Variants in DENND2A observed in about 807,000 individuals in gnomAD.
DENND2A encodes DENN domain-containing protein 2A.
In DENND2A, 53 loss-of-function variants were observed where a neutral mutation model predicts 105.3. That is an observed-to-expected ratio of 0.50 (90% CI 0.40 to 0.63). The LOEUF is 0.63. Among genes scored for constraint, DENND2A ranks in the 30% least tolerant of loss-of-function variants. DENND2A has a pLI of 0.00. For synonymous variants in DENND2A, 522 were observed against 508.4 expected, an observed-to-expected ratio of 1.03 and a Z score of -0.36; for missense variants, 1,138 against 1,279.6, an observed-to-expected ratio of 0.89 and a Z score of 1.69.
chr7:140,586,512 C>A, intron 4 of DENND2A, among the ~76,000 whole-genome samples: 1 of 151,936 alleles, frequency 6.6e-6, no homozygotes, highest in Non-Finnish European at 1.5e-5. Flanking sequence ...TGAGTTGAGA[C>A]TGTGCCGTTG....
intron 5 of DENND2A, among the ~76,000 whole-genome samples, chr7:140,580,025 T>C (rs1406728238): frequency 2.0e-5 from 3 of 152,152 alleles, no homozygotes; most frequent in East Asian, 1.9e-4. Flanking sequence ...TCCCAGCTAC[T>C]TGGGAAACTG....
At chr7:140,552,294 CTTTT>C (rs1260894209) in intron 12 of DENND2A, among the ~76,000 whole-genome samples, 1 of 152,088 alleles carries the variant, frequency 6.6e-6, no homozygotes, top group East Asian at 1.9e-4. Context: ...TTCTTTCTTT[CTTTT>C]TCTCTCTTTT....
In DENND2A at chr7:140,559,436, T is replaced by G. The variant is rs1182454404; in HGVS notation, c.1889+272A>C. Among the ~76,000 whole-genome samples the G allele has an allele frequency of 6.6e-6, 1 of 152,210 alleles. No homozygotes were observed. Among genetic ancestry groups the G allele is most frequent in the Non-Finnish European group, 1.5e-5 (1 of 68,038 alleles). On this transcript the variant is annotated intron_variant, in intron 10 of 19. Transcript: ENST00000496613. This position sits in a 1 kb window ranked among gnomAD's most constrained non-coding sequence, Gnocchi z 4.1. ...GGATGAGAACGGGGAAGGGCAATGT[T>G]GCCCTAACTTTTCCCAGGCTAAGAA... is the stretch of plus-strand genomic sequence containing the variant.
intron 1 of DENND2A, among the ~76,000 whole-genome samples, chr7:140,619,162 T>C (rs568618868): frequency 6.6e-6 from 1 of 152,344 alleles, no homozygotes; most frequent in South Asian, 2.1e-4. Context: ...AAAAAGTGTT[T>C]GCATAAATAT....
intron 12 of DENND2A, among the ~76,000 whole-genome samples, chr7:140,551,512 A>C (rs1008849295): frequency 6.6e-5 from 10 of 152,016 alleles, no homozygotes; most frequent in African/African-American, 2.4e-4. Flanking sequence ...CATGGGAGAC[A>C]TGTGGACCAG....
At chr7:140,568,701 G>T in intron 8 of DENND2A, 62 bp downstream of exon 8, 1 of 1,558,674 alleles carries the variant, frequency 6.4e-7, no homozygotes, top group Non-Finnish European at 8.8e-7. Context: ...TAAGGAGGAG[G>T]GGCCACCTTT....
intron 3 of DENND2A, among the ~76,000 whole-genome samples, chr7:140,599,219 T>G (rs1036952678): frequency 6.6e-6 from 1 of 152,052 alleles, no homozygotes; most frequent in East Asian, 1.9e-4. Flanking sequence ...GCGCCTGTAA[T>G]CTCAGCTATT....
At chr7:140,627,396 G>A (rs1048964777) in intron 1 of DENND2A, among the ~76,000 whole-genome samples, 1 of 151,916 alleles carries the variant, frequency 6.6e-6, no homozygotes, top group East Asian at 1.9e-4. Flanking sequence ...TGTATTTTTG[G>A]TAGAGACGGG....
At position 140,561,958 on chromosome 7, in the gene DENND2A, C is replaced by T. The variant is rs112249804; in HGVS notation, c.1780-2141G>A. Reference sequence around the variant, plus strand: ...AGGCTGGAGTGAAATGCTGCAATCTCGGCTCACTGCAACCTCCACCTCCTG... The same window carrying T: ...AGGCTGGAGTGAAATGCTGCAATCTTGGCTCACTGCAACCTCCACCTCCTG... On this transcript the variant is annotated intron_variant, in intron 9 of 19. Transcript: ENST00000496613. Among the ~76,000 whole-genome samples the T allele has an allele frequency of 6.5e-3, 985 of 151,746 alleles. 16 individuals carry two copies. The highest frequency in any genetic ancestry group is 0.023 in the African/African-American group (938 of 41,396).
chr7:140,567,304 AAGAGAGAG>A lies in DENND2A; in HGVS notation c.1592-39_1592-32del, dbSNP rs60964847. 4.2e-3 allele frequency: 2,771 copies of A among 659,488 alleles called. 1 individual carries two copies. Among genetic ancestry groups the A allele is most frequent in the Middle Eastern group, 0.012 (21 of 1,770 alleles). The allele number at this position is 659,488 out of a possible 1,614,324, so 40.9% of individuals were successfully genotyped here. On this transcript the variant is annotated intron_variant, in intron 8 of 19. Coordinates refer to ENST00000496613, the MANE Select transcript of DENND2A (RefSeq NM_015689.5). ...TGAGGGAGGGAGAGAGAAAGAGAGA[AAGAGAGAG>A]AGAGAGAGAGAGAGAGAGAGAGAGA... is the stretch of plus-strand genomic sequence containing the variant.
chr7:140,626,974 C>T (rs1341593479), intron 1 of DENND2A, among the ~76,000 whole-genome samples: 1 of 152,306 alleles, frequency 6.6e-6, no homozygotes, highest in African/African-American at 2.4e-5. Context: ...GATCAAGATA[C>T]ATTTCTAAGC....
At chr7:140,617,227 A>G (rs1389413687) in intron 1 of DENND2A, among the ~76,000 whole-genome samples, 1 of 152,236 alleles carries the variant, frequency 6.6e-6, no homozygotes, top group African/African-American at 2.4e-5. Flanking sequence ...CGCAGGTGCT[A>G]CCAGCACAAA....
intron 1 of DENND2A, among the ~76,000 whole-genome samples, chr7:140,606,682 G>A (rs1208951861): frequency 1.3e-5 from 2 of 152,134 alleles, no homozygotes; most frequent in Admixed American, 6.5e-5. Context: ...CCAGTCACGA[G>A]GTCATCTGTC....
At position 140,632,864 on chromosome 7, in the gene DENND2A, C is replaced by CTT. The variant is rs1158154967; in HGVS notation, c.-248+7638_-248+7639dup. On this transcript the variant is annotated intron_variant, in intron 1 of 19. Transcript: ENST00000496613. ...ACAGGCATGAGCCACCATGCCTGGC[C>CTT]TTTTTTTTTTTTTTTTTGAGACAGT... 1.2e-3 allele frequency among the ~76,000 whole-genome samples: 138 copies of CTT among 117,242 alleles called. 1 individual carries two copies. The highest frequency in any genetic ancestry group is 5.3e-3 in the Middle Eastern group (1 of 190). 76.9% of individuals were successfully genotyped at this position (117,242 alleles called of 152,430 possible).
chr7:140,590,877 G>GAATAATAATAATAATAATAATAATAAT (rs145861724), intron 3 of DENND2A, among the ~76,000 whole-genome samples: 7 of 140,966 alleles, frequency 5.0e-5, no homozygotes, highest in African/African-American at 2.1e-4. Flanking sequence ...TGTTTCTGGG[G>GAATAATAATAATAATAATAATAATAAT]AATAATAATA....
intron 5 of DENND2A, among the ~76,000 whole-genome samples, chr7:140,578,519 T>C (rs1229652595): frequency 1.3e-5 from 2 of 152,210 alleles, no homozygotes; most frequent in African/African-American, 4.8e-5. Context: ...TATTTGCTCA[T>C]ATGTGCCTGT....
rs575346403 is a variant in DENND2A at position 140,519,836 on chromosome 7, T to C, written c.2912-118A>G. 303 of 876,928 alleles carry C rather than the reference T, an allele frequency of 3.5e-4. 1 individual carries two copies. In the African/African-American group the frequency reaches 4.6e-3, roughly 13 times the overall value. The allele number at this position is 876,928 out of a possible 1,614,324, so 54.3% of individuals were successfully genotyped here. On this transcript the variant is annotated intron_variant, in intron 18 of 19. Transcript: ENST00000496613. The stretch of plus-strand genomic sequence containing the variant: ...TGTTTCTGAGACTAAGCTGCTCCTA[T>C]AAACATGCTCTGAATCAGGAGGTTT...
At chr7:140,606,145 A>G (rs533993766) in intron 1 of DENND2A, among the ~76,000 whole-genome samples, 1 of 152,036 alleles carries the variant, frequency 6.6e-6, no homozygotes, top group Admixed American at 6.6e-5. Flanking sequence ...GGCTCAAGTG[A>G]TTCTCGTGCC....
intron 9 of DENND2A, among the ~76,000 whole-genome samples, chr7:140,566,598 G>C (rs528648478): frequency 8.9e-4 from 135 of 152,054 alleles, no homozygotes; most frequent in Middle Eastern, 3.4e-3. Flanking sequence ...TGGCTGGCTG[G>C]ATAAGGAGAT....
Sources: gnomAD v4.1 joint callset for allele counts (sites outside exome capture counted in the v4.1 genomes callset) on GRCh38, gnomAD v4.1.1 for gene constraint, Gnocchi (gnomAD v3.1) non-coding constraint, MANE v1.5 for transcripts, NCBI Gene and HGNC (gene_info 2026-07-23, HGNC 2026-07-21) for gene names.